The following TRAF3IP1 variants were observed in gnomAD, a reference collection of about 807,000 sequenced individuals.
The protein encoded by TRAF3IP1 is intraflagellar transport 54, also known as TRAF3-interacting protein 1.
In TRAF3IP1, 53 loss-of-function variants were observed where a neutral mutation model predicts 89.9. The observed-to-expected ratio is 0.59, with a 90% confidence interval of 0.47 to 0.74. The LOEUF is 0.74. TRAF3IP1 is among the 30% of genes least tolerant of loss of function. The pLI, the probability that TRAF3IP1 is intolerant of heterozygous loss-of-function variation, is 0.00. For synonymous variants in TRAF3IP1, 311 were observed against 322.1 expected (o/e 0.97, Z 0.37); for missense variants, 806 against 866.1 (o/e 0.93, Z 0.87).
intron 15 of TRAF3IP1, among the ~76,000 whole-genome samples, chr2:238,371,629 C>G (rs1371965027): frequency 2.0e-5 from 3 of 152,170 alleles, no homozygotes; most frequent in Non-Finnish European, 4.4e-5. Flanking sequence ...GCAGTGGCCA[C>G]TCGCCCATGT....
intron 7 of TRAF3IP1, 134 bp downstream of exon 7, chr2:238,334,169 G>T: frequency 1.4e-6 from 1 of 696,146 alleles, no homozygotes; most frequent in East Asian, 2.8e-5. Flanking sequence ...AATGAACAGC[G>T]TGTGGAAATA....
chr2:238,380,888 A>G (rs770929653), intron 15 of TRAF3IP1, among the ~76,000 whole-genome samples: 7 of 152,190 alleles, frequency 4.6e-5, no homozygotes, highest in Non-Finnish European at 8.8e-5. Context: ...TGAGTGCTGT[A>G]GCCATAAAAC....
At chr2:238,329,617 A>G (rs919213921) in intron 5 of TRAF3IP1, among the ~76,000 whole-genome samples, 6 of 152,186 alleles carry the variant, frequency 3.9e-5, no homozygotes, top group Admixed American at 2.0e-4. Flanking sequence ...ACCATTTCCT[A>G]CTTCATGTCC....
intron 1 of TRAF3IP1, among the ~76,000 whole-genome samples, chr2:238,324,145 C>G (rs1313146036): frequency 2.0e-5 from 3 of 152,046 alleles, no homozygotes; most frequent in Non-Finnish European, 4.4e-5. Flanking sequence ...CTGACTCACT[C>G]CAACCTCCAC....
intron 7 of TRAF3IP1, among the ~76,000 whole-genome samples, chr2:238,336,302 T>G (rs1326676757): frequency 6.6e-6 from 1 of 152,194 alleles, no homozygotes; most frequent in African/African-American, 2.4e-5. Context: ...TTCCCTGAGC[T>G]ATCAACAGCT....
intron 15 of TRAF3IP1, among the ~76,000 whole-genome samples, chr2:238,365,658 A>G (rs1699844587): frequency 6.6e-6 from 1 of 152,084 alleles, no homozygotes; most frequent in South Asian, 2.1e-4. Context: ...ACCTGTCTCA[A>G]AAAAATAAAA....
intron 15 of TRAF3IP1, among the ~76,000 whole-genome samples, chr2:238,378,422 C>G (rs77205534): frequency 6.6e-6 from 1 of 152,220 alleles, no homozygotes; most frequent in Admixed American, 6.5e-5. Flanking sequence ...AGGTTAACAA[C>G]TGTCTTTTTG....
Position 238,398,875 on chromosome 2 carries a change from A to T in TRAF3IP1, c.2032A>T (p.Ile678Phe), listed in dbSNP as rs1559402646. Residue 678 changes from isoleucine (I) to phenylalanine (F), a missense_variant, in exon 17 of 17, where the codon ATC (isoleucine) becomes TTC (phenylalanine). By Grantham distance (21) the Ile-to-Phe change is conservative. Transcript: ENST00000373327. ...CAACATCCTCAAGAATGAAGAAAAA[A>T]TCCAGAAAATGGTATATAGTATCAA... Reference protein sequence around the residue: ...KANILKNEEKIQKMVYSINLT... With the variant: ...KANILKNEEKFQKMVYSINLT... The T allele has an allele frequency of 6.2e-7, 1 of 1,613,076 alleles. No homozygotes were observed. Among genetic ancestry groups the T allele is most frequent in the African/African-American group, 1.3e-5 (1 of 74,868 alleles).
intron 15 of TRAF3IP1, 106 bp downstream of exon 15, chr2:238,356,186 G>T: frequency 1.1e-6 from 1 of 946,336 alleles, no homozygotes; most frequent in Non-Finnish European, 1.7e-6. Context: ...TATCAGTGAT[G>T]TCTGTTTGCA....
rs1700454884 is a variant in TRAF3IP1 at position 238,379,411 on chromosome 2, C to G, written c.1690-18048C>G. Among the ~76,000 whole-genome samples the G allele has an allele frequency of 6.6e-6, 1 of 152,202 alleles. No homozygotes were observed. Among genetic ancestry groups the G allele is most frequent in the Non-Finnish European group, 1.5e-5 (1 of 68,030 alleles). On this transcript the variant is annotated intron_variant, in intron 15 of 16. Coordinates refer to ENST00000373327, the MANE Select transcript of TRAF3IP1 (RefSeq NM_015650.4). This position sits in a 1 kb window ranked among gnomAD's most constrained non-coding sequence, Gnocchi z 4.0. ...TGGTGGAGGGAAGAGTGAGGAGTGC[C>G]AGCTTCAGCAGAACTCCTTATTCTG...
At chr2:238,347,620 G>A in intron 10 of TRAF3IP1, 145 bp downstream of exon 10, 1 of 734,264 alleles carries the variant, frequency 1.4e-6, no homozygotes, top group Non-Finnish European at 2.2e-6. Context: ...CTACCCTAAT[G>A]TATTTATTTA....
Position 238,331,097 on chromosome 2 carries a change from C to T in TRAF3IP1, c.916-1727C>T, listed in dbSNP as rs556320208. The stretch of plus-strand genomic sequence containing the variant: ...AAAGCCTTCGGATTGAGGGTCCCCA[C>T]GTTATGTTCCCTAAAACTGCTAATG... On this transcript the variant is annotated intron_variant, in intron 5 of 16. Transcript: ENST00000373327. Among the ~76,000 whole-genome samples, 20 of 152,126 alleles carry T rather than the reference C, an allele frequency of 1.3e-4. 1 individual carries two copies. The East Asian group carries it at 1.5e-3, about 12-fold the overall frequency.
At chr2:238,321,520 G>C (rs1697545700) in intron 1 of TRAF3IP1, among the ~76,000 whole-genome samples, 1 of 152,176 alleles carries the variant, frequency 6.6e-6, no homozygotes, top group Non-Finnish European at 1.5e-5. Context: ...GTTGAGATTG[G>C]TGGTCTCTGT....
At chr2:238,396,724 C>T (rs1392106119) in intron 15 of TRAF3IP1, among the ~76,000 whole-genome samples, 1 of 152,166 alleles carries the variant, frequency 6.6e-6, no homozygotes, top group African/African-American at 2.4e-5. Flanking sequence ...CCGCATGCAG[C>T]TCCCCACTCG....
At chr2:238,392,925 A>G (rs1254286134) in intron 15 of TRAF3IP1, among the ~76,000 whole-genome samples, 1 of 152,226 alleles carries the variant, frequency 6.6e-6, no homozygotes. Context: ...TGGATGCACC[A>G]CAGTTTAGTT....
At chr2:238,342,101 G>T (rs890932907) in intron 8 of TRAF3IP1, among the ~76,000 whole-genome samples, 2 of 152,116 alleles carry the variant, frequency 1.3e-5, no homozygotes, top group African/African-American at 4.8e-5. Flanking sequence ...GGATTCTCAT[G>T]TCTCAGCCTC....
At chr2:238,381,746 C>T (rs1269433056) in intron 15 of TRAF3IP1, among the ~76,000 whole-genome samples, 1 of 152,242 alleles carries the variant, frequency 6.6e-6, no homozygotes, top group African/African-American at 2.4e-5. Flanking sequence ...TGAAGCACCT[C>T]ACGTGAGCAG....
chr2:238,390,665 C>T (rs560719838), intron 15 of TRAF3IP1, among the ~76,000 whole-genome samples: 2 of 152,290 alleles, frequency 1.3e-5, no homozygotes, highest in South Asian at 2.1e-4. Flanking sequence ...TAATGGTTAA[C>T]ATCTACTTGA....
At chr2:238,372,208 G>A (rs945491255) in intron 15 of TRAF3IP1, among the ~76,000 whole-genome samples, 2 of 152,014 alleles carry the variant, frequency 1.3e-5, no homozygotes, top group Non-Finnish European at 2.9e-5. Context: ...GTATACATGT[G>A]CCATGTTGGT....
Sources: gnomAD v4.1 joint callset for allele counts (sites outside exome capture counted in the v4.1 genomes callset) on GRCh38, gnomAD v4.1.1 for gene constraint, Gnocchi (gnomAD v3.1) non-coding constraint, MANE v1.5 for transcripts, NCBI Gene and HGNC (gene_info 2026-07-23, HGNC 2026-07-21) for gene names.